Variants in CHSY3 observed in about 807,000 individuals in gnomAD.
CHSY3 encodes the protein chondroitin sulfate synthase 3.
A neutral mutation model predicts 67.2 loss-of-function variants in CHSY3; 35 were observed. The observed-to-expected ratio is 0.52, with a 90% CI of 0.40 to 0.69. The LOEUF is 0.69. Ranked by LOEUF, CHSY3 falls within the 30% of genes least tolerant of loss-of-function variation. CHSY3 has a pLI of 0.00. For synonymous variants in CHSY3, 474 were observed against 434.7 expected (o/e 1.09, Z -1.12); for missense variants, 1,069 against 1,138.5 (o/e 0.94, Z 0.88).
chr5:130,101,445 A>AT (rs1767241167), intron 2 of CHSY3, among the ~76,000 whole-genome samples: 1 of 152,096 alleles, frequency 6.6e-6, no homozygotes, highest in Non-Finnish European at 1.5e-5. Flanking sequence ...ACTATAAGAT[A>AT]TTTTTCAACG....
At chr5:129,943,854 A>G (rs1002334529) in intron 2 of CHSY3, among the ~76,000 whole-genome samples, 1 of 152,242 alleles carries the variant, frequency 6.6e-6, no homozygotes, top group African/African-American at 2.4e-5. Flanking sequence ...AAATATTGCC[A>G]TAAAATTTGA....
chr5:130,140,541 C>A, intron 2 of CHSY3: 1 of 649,644 alleles, frequency 1.5e-6, no homozygotes, highest in African/African-American at 1.9e-5. Flanking sequence ...TTAGAATTAT[C>A]AGTAAGCCAA....
At chr5:130,106,182 A>C (rs138147960) in intron 2 of CHSY3, among the ~76,000 whole-genome samples, 154 of 151,876 alleles carry the variant, frequency 1.0e-3, no homozygotes, top group African/African-American at 3.6e-3. Context: ...TTGTAATATA[A>C]ATTCTGTGAT....
chr5:129,948,976 G>A (rs77837518), intron 2 of CHSY3, among the ~76,000 whole-genome samples: 2,940 of 152,184 alleles, frequency 0.019, 96 homozygotes, highest in African/African-American at 0.068. Context: ...ATTCCCACCC[G>A]GAGATTGCAA....
At chr5:130,126,019 A>G (rs978550442) in intron 2 of CHSY3, among the ~76,000 whole-genome samples, 1 of 151,162 alleles carries the variant, frequency 6.6e-6, no homozygotes, top group South Asian at 2.2e-4. Flanking sequence ...CATTATAATA[A>G]TACCTAGGAT....
At chr5:130,094,684 A>G (rs551001104) in intron 2 of CHSY3, among the ~76,000 whole-genome samples, 2 of 152,254 alleles carry the variant, frequency 1.3e-5, no homozygotes, top group South Asian at 4.1e-4. Flanking sequence ...TTCAATTTAA[A>G]AAGTCCATTA....
At position 130,184,593 on chromosome 5, in the gene CHSY3, G is replaced by A. The variant is rs774154038; in HGVS notation, c.1451G>A (p.Arg484Gln). ...LYSAAENQPP[R>Q]QSLSSILRTA... is the part of the protein sequence containing the mutation. ...TCAGCAGCTGAGAACCAGCCCCCTCGACAGAGCCTCAGTAGCATTTTAAGA... is the reference window on the plus strand; with the variant it reads ...TCAGCAGCTGAGAACCAGCCCCCTCAACAGAGCCTCAGTAGCATTTTAAGA... Residue 484 changes from arginine to glutamine, a missense_variant, in exon 3 of 3, where the codon CGA becomes CAA. This residue lies in a region of CHSY3 where 401 missense variants were observed against 395.2 expected (regional missense o/e 1.01). Transcript: ENST00000305031. The A allele has an allele frequency of 4.3e-6, 7 of 1,612,364 alleles. No homozygotes were observed. Among genetic ancestry groups the A allele is most frequent in the Admixed American group, 1.7e-5 (1 of 59,990 alleles).
At chr5:130,092,931 G>C (rs1362604425) in intron 2 of CHSY3, among the ~76,000 whole-genome samples, 1 of 152,134 alleles carries the variant, frequency 6.6e-6, no homozygotes. Context: ...CAAGGTGTCT[G>C]GCATCTCATT....
intron 2 of CHSY3, among the ~76,000 whole-genome samples, chr5:130,146,438 T>C (rs1769076700): frequency 6.6e-6 from 1 of 152,096 alleles, no homozygotes; most frequent in South Asian, 2.1e-4. Context: ...GATCAGTGAT[T>C]ACCAGAGACT....
chr5:130,162,040 CAAAAA>C (rs371228605), intron 2 of CHSY3, among the ~76,000 whole-genome samples: 1 of 65,058 alleles, frequency 1.5e-5, no homozygotes, highest in African/African-American at 4.4e-5. Flanking sequence ...GACCCTGTCT[CAAAAA>C]AAAAAAAAAA....
chr5:130,077,225 C>T (rs1021987615), intron 2 of CHSY3, among the ~76,000 whole-genome samples: 1 of 151,994 alleles, frequency 6.6e-6, no homozygotes, highest in Admixed American at 6.6e-5. Flanking sequence ...AGTATGAGGC[C>T]TGCTTCACAA....
chr5:129,919,192 A>T lies in CHSY3; in HGVS notation c.1086+10832A>T, dbSNP rs79045104. ...GTAAAATCATGATTCTTGCAAAAATATACACATTGAAGGTCTTATTTATTT... is the reference window on the plus strand; with the variant it reads ...GTAAAATCATGATTCTTGCAAAAATTTACACATTGAAGGTCTTATTTATTT... On this transcript the variant is annotated intron_variant, in intron 2 of 2. Transcript: ENST00000305031. 1.7e-3 allele frequency among the ~76,000 whole-genome samples: 255 copies of T among 152,080 alleles called. 4 individuals carry two copies. In the East Asian group the frequency reaches 0.029, roughly 17 times the overall value.
At position 130,185,663 on chromosome 5, in the gene CHSY3, A is replaced by G. The variant is rs1244243479; in HGVS notation, c.2521A>G (p.Asn841Asp). The G allele has an allele frequency of 6.2e-7, 1 of 1,614,052 alleles. No homozygotes were observed. Among genetic ancestry groups the G allele is most frequent in the South Asian group, 1.1e-5 (1 of 91,080 alleles). ...TTTCCATCCAGTTCATTGTGATCCT[A>G]ACTTGGACCCTAAGCAGTATAAGAT... ...HIFHPVHCDP[N>D]LDPKQYKMCL... The change falls in exon 3 of 3, where the codon AAC becomes GAC. Residue 841 changes from asparagine (N) to aspartate (D), a missense_variant. Physicochemically the swap from Asn to Asp is conservative, Grantham distance 23. Transcript: ENST00000305031.
intron 1 of CHSY3, among the ~76,000 whole-genome samples, chr5:129,906,451 T>G (rs961096344): frequency 1.3e-5 from 2 of 152,188 alleles, no homozygotes; most frequent in African/African-American, 2.4e-5. Context: ...TCCTTTCCAG[T>G]GCATTTTGTT....
At chr5:129,942,034 G>C (rs1761715177) in intron 2 of CHSY3, among the ~76,000 whole-genome samples, 1 of 152,142 alleles carries the variant, frequency 6.6e-6, no homozygotes, top group Non-Finnish European at 1.5e-5. Flanking sequence ...CAGTCCTCTT[G>C]GGTTTTTATG....
chr5:130,093,214 T>C (rs1468059337), intron 2 of CHSY3, among the ~76,000 whole-genome samples: 2 of 152,170 alleles, frequency 1.3e-5, no homozygotes, highest in African/African-American at 4.8e-5. Flanking sequence ...ATGAAAAAGG[T>C]ATGAGTCACT....
chr5:129,918,147 T>A (rs911508945), intron 2 of CHSY3, among the ~76,000 whole-genome samples: 1 of 152,216 alleles, frequency 6.6e-6, no homozygotes, highest in Non-Finnish European at 1.5e-5. Flanking sequence ...CTCTATGTTT[T>A]CTCACGATCT....
chr5:130,001,976 AT>A (rs989137127), intron 2 of CHSY3: 1 of 880,238 alleles, frequency 1.1e-6, no homozygotes, highest in Non-Finnish European at 1.4e-6. Context: ...ATTGGCTACA[AT>A]AAGCCAATGC....
intron 2 of CHSY3, among the ~76,000 whole-genome samples, chr5:130,065,842 T>G (rs1423148990): frequency 6.6e-6 from 1 of 152,120 alleles, no homozygotes; most frequent in Non-Finnish European, 1.5e-5. Context: ...AACTGAAATG[T>G]CTGGTTCACA....
Sources: allele counts gnomAD v4.1 joint callset (sites outside exome capture counted in the v4.1 genomes callset), GRCh38; gene constraint gnomAD v4.1.1; regional missense constraint gnomAD v4.1.1; transcripts MANE v1.5; gene names NCBI Gene and HGNC (gene_info 2026-07-23, HGNC 2026-07-21).